Variants in KIRREL3 observed in about 807,000 individuals in gnomAD.
The protein encoded by KIRREL3 is kirre like nephrin family adhesion molecule 3.
KIRREL3 carries 36 observed loss-of-function variants against 89.7 expected under a neutral mutation model. The observed-to-expected ratio is 0.40, with a 90% CI of 0.31 to 0.53. The LOEUF (loss-of-function observed/expected upper bound fraction) is 0.53, where lower values mean the gene tolerates loss of function less well. Among genes scored for constraint, KIRREL3 ranks in the 20% least tolerant of loss-of-function variants. The pLI is 0.49. For missense variants in KIRREL3, 864 were observed against 1,056.6 expected, an observed-to-expected ratio of 0.82 and a Z score of 2.53; for synonymous variants, 445 against 441.4, an observed-to-expected ratio of 1.01 and a Z score of -0.10.
rs990632987 is a variant in KIRREL3, at chr11:126,689,737, G to T, written c.56-126825C>A. 3.3e-5 allele frequency among the ~76,000 whole-genome samples: 5 copies of T among 152,196 alleles called. No individual in the cohort carries two copies. The highest frequency in any genetic ancestry group is 1.2e-4 in the African/African-American group (5 of 41,448). The stretch of plus-strand genomic sequence containing the variant: ...CCTGTCTTCCTGTCACTTTTCTTTG[G>T]CCACCTGGGTCTCAGCAGAGGCCCT... On this transcript the variant is annotated intron_variant, in intron 1 of 16. Coordinates refer to ENST00000525144, the MANE Select transcript of KIRREL3 (RefSeq NM_032531.4). This position sits in a 1 kb window ranked among gnomAD's most constrained non-coding sequence, Gnocchi z 5.2.
chr11:126,690,902 A>C (rs148416029), intron 1 of KIRREL3, among the ~76,000 whole-genome samples: 128 of 152,312 alleles, frequency 8.4e-4, no homozygotes, highest in Admixed American at 1.8e-3. Context: ...TATGCTCTTC[A>C]CACTGTGCGA....
chr11:126,463,353 TG>T lies in KIRREL3; in HGVS notation c.592-47del. 1 of 1,583,706 alleles carries T rather than the reference TG, an allele frequency of 6.3e-7. No individual in the cohort carries two copies. Among genetic ancestry groups the T allele is most frequent in the Non-Finnish European group, 8.6e-7 (1 of 1,160,852 alleles). On this transcript the variant is annotated intron_variant, in intron 5 of 16. Coordinates refer to ENST00000525144, the MANE Select transcript of KIRREL3 (RefSeq NM_032531.4). The surrounding 1 kb of genome is among the most constrained non-coding windows in gnomAD (Gnocchi z 5.9). ...GAGAGAAAGCTCCATGTCGCTTGGC[TG>T]GGGTGGCCAGCCTGGGTTGGGGGTA...
In KIRREL3 at chr11:126,785,799, A is replaced by G. The variant is rs1756491645; in HGVS notation, c.55+214656T>C. ...TGAGGCAGGGGAATCGCTTGAACCC[A>G]GGAGGTGGAGATTGCAATGAGCCGA... On this transcript the variant is annotated intron_variant, in intron 1 of 16. Transcript: ENST00000525144. 3.6e-5 allele frequency among the ~76,000 whole-genome samples: 5 copies of G among 140,252 alleles called. No homozygotes were observed. The Admixed American group carries it at 3.8e-4, about 11-fold the overall frequency. 92.0% of individuals were successfully genotyped at this position (140,252 alleles called of 152,430 possible). A position where few individuals can be genotyped will look rare whatever the true frequency, so the allele number is the denominator to read the frequency against.
chr11:126,974,730 A>G (rs1949521677), intron 1 of KIRREL3, among the ~76,000 whole-genome samples: 1 of 152,060 alleles, frequency 6.6e-6, no homozygotes, highest in African/African-American at 2.4e-5. Context: ...CCAGTCTACA[A>G]GGTTTGGCTC....
intron 1 of KIRREL3, among the ~76,000 whole-genome samples, chr11:126,865,323 T>G (rs897986652): frequency 1.2e-4 from 19 of 152,266 alleles, no homozygotes; most frequent in Non-Finnish European, 2.4e-4. Flanking sequence ...AGTCTATTTG[T>G]AGCTCAGTCT....
At chr11:126,717,395 C>T (rs1297281217) in intron 1 of KIRREL3, among the ~76,000 whole-genome samples, 1 of 152,232 alleles carries the variant, frequency 6.6e-6, no homozygotes, top group Non-Finnish European at 1.5e-5. Flanking sequence ...CACTGTTGTA[C>T]AAGTGGCTAT....
At position 126,424,812 on chromosome 11, in the gene KIRREL3, G is replaced by A. The variant is rs754543011; in HGVS notation, c.2105C>T (p.Ser702Leu). ...CTCCCGCTCACAAAGCTCGATGGAC[G>A]AGCTGCCCATGCCCAGCACAAACCG... is the stretch of plus-strand genomic sequence containing the variant. Reference protein sequence around the residue: ...GQRFVLGMGSSSIELCEREFQ... With the variant: ...GQRFVLGMGSLSIELCEREFQ... The change falls in exon 17 of 17, where the codon TCG becomes TTG. Residue 702 changes from serine to leucine, a missense_variant. Transcript: ENST00000525144. 3.1e-6 allele frequency: 5 copies of A among 1,614,048 alleles called. No homozygotes were observed. The highest frequency in any genetic ancestry group is 2.2e-5 in the East Asian group (1 of 44,882).
chr11:126,844,072 G>A lies in KIRREL3; in HGVS notation c.55+156383C>T, dbSNP rs1436765672. Among the ~76,000 whole-genome samples, 1 of 152,090 alleles carries A rather than the reference G, an allele frequency of 6.6e-6. No individual in the cohort carries two copies. The highest frequency in any genetic ancestry group is 1.5e-5 in the Non-Finnish European group (1 of 68,028). ...CTGGACTCGCCCTGAATTCTTTCTT[G>A]TACGAGATCCAAGAACCCTCTTTTG... On this transcript the variant is annotated intron_variant, in intron 1 of 16. Transcript: ENST00000525144. This position sits in a 1 kb window ranked among gnomAD's most constrained non-coding sequence, Gnocchi z 4.8.
chr11:126,433,924 G>T (rs777562183), intron 13 of KIRREL3, among the ~76,000 whole-genome samples: 11 of 152,238 alleles, frequency 7.2e-5, no homozygotes, highest in East Asian at 5.8e-4. Flanking sequence ...AGCATTGAAG[G>T]TGCCTTCCGA....
chr11:126,490,814 C>T lies in KIRREL3; in HGVS notation c.434-17348G>A, dbSNP rs1018320756. On this transcript the variant is annotated intron_variant, in intron 4 of 16. Coordinates refer to ENST00000525144, the MANE Select transcript of KIRREL3 (RefSeq NM_032531.4). The surrounding 1 kb of genome is among the most constrained non-coding windows in gnomAD (Gnocchi z 4.2). ...CTTGCGAGTCTGGGACTCCAAGGGC[C>T]GAGCAGAGCCGGCAGTAGCATTTGG... 1.3e-5 allele frequency among the ~76,000 whole-genome samples: 2 copies of T among 152,076 alleles called. No individual in the cohort carries two copies. Among genetic ancestry groups the T allele is most frequent in the African/African-American group, 2.4e-5 (1 of 41,408 alleles).
rs2135051726 is a variant in KIRREL3 at position 126,669,506 on chromosome 11, TA to T, written c.56-106595del. On this transcript the variant is annotated intron_variant, in intron 1 of 16. Coordinates refer to ENST00000525144, the MANE Select transcript of KIRREL3 (RefSeq NM_032531.4). The surrounding 1 kb of genome is among the most constrained non-coding windows in gnomAD (Gnocchi z 5.0). ...ATTTAAGGGCTTAATCATGGGCGGT[TA>T]GATTTTTAACTTCTGGTTCGGACTA... Among the ~76,000 whole-genome samples, 1 of 152,368 alleles carries T rather than the reference TA, an allele frequency of 6.6e-6. No homozygotes were observed. The highest frequency in any genetic ancestry group is 2.1e-4 in the South Asian group (1 of 4,824).
At chr11:126,473,816 G>A (rs559753947) in intron 4 of KIRREL3, among the ~76,000 whole-genome samples, 4 of 152,084 alleles carry the variant, frequency 2.6e-5, no homozygotes, top group African/African-American at 7.2e-5. Flanking sequence ...TCCTTTTTTC[G>A]AGATGAAGTC....
rs551486154 is a variant in KIRREL3 at position 126,843,293 on chromosome 11, T to G, written c.55+157162A>C. ...AGTATGAAAGGCAAGTTTGCAGGGC[T>G]GGAGACAGGCTTTGATCTTGCCTCG... On this transcript the variant is annotated intron_variant, in intron 1 of 16. Transcript: ENST00000525144. This position sits in a 1 kb window ranked among gnomAD's most constrained non-coding sequence, Gnocchi z 4.6. 6.6e-6 allele frequency among the ~76,000 whole-genome samples: 1 copy of G among 152,344 alleles called. No individual in the cohort carries two copies. The highest frequency in any genetic ancestry group is 2.1e-4 in the South Asian group (1 of 4,824).
rs1941277853 is a variant in KIRREL3, at chr11:126,576,819, C to T, written c.56-13907G>A. ...AGGGATTCCTGAGCCACAAATGAGG[C>T]TCTCCCTACTGGAATGCAGAAGGAA... is the stretch of plus-strand genomic sequence containing the variant. On this transcript the variant is annotated intron_variant, in intron 1 of 16. Coordinates refer to ENST00000525144, the MANE Select transcript of KIRREL3 (RefSeq NM_032531.4). The surrounding 1 kb of genome is among the most constrained non-coding windows in gnomAD (Gnocchi z 5.4). Among the ~76,000 whole-genome samples, 2 of 152,234 alleles carry T rather than the reference C, an allele frequency of 1.3e-5. No homozygotes were observed. The highest frequency in any genetic ancestry group is 1.3e-4 in the Admixed American group (2 of 15,288).
At chr11:126,470,588 A>C (rs534415014) in intron 5 of KIRREL3, among the ~76,000 whole-genome samples, 13 of 152,318 alleles carry the variant, frequency 8.5e-5, no homozygotes, top group Non-Finnish European at 1.9e-4. Flanking sequence ...GGCCCTGCTT[A>C]TCTTTCCAGG....
chr11:126,875,947 T>C (rs58785374), intron 1 of KIRREL3, among the ~76,000 whole-genome samples: 4,546 of 152,234 alleles, frequency 0.03, 225 homozygotes, highest in African/African-American at 0.11. Flanking sequence ...TATCATGAGA[T>C]GCTAGAAACA....
intron 1 of KIRREL3, among the ~76,000 whole-genome samples, chr11:126,646,109 C>A (rs1358411948): frequency 1.3e-5 from 2 of 151,968 alleles, no homozygotes; most frequent in Non-Finnish European, 1.5e-5. Flanking sequence ...AGCTAATTAA[C>A]CCACCCCACC....
chr11:126,580,975 T>C (rs963662847), intron 1 of KIRREL3, among the ~76,000 whole-genome samples: 2 of 151,892 alleles, frequency 1.3e-5, no homozygotes, highest in African/African-American at 4.8e-5. Flanking sequence ...TATGGTGAAG[T>C]AGGTGCTCAT....
At chr11:126,688,180 C>T (rs745640700) in intron 1 of KIRREL3, among the ~76,000 whole-genome samples, 24 of 152,236 alleles carry the variant, frequency 1.6e-4, no homozygotes, top group Non-Finnish European at 2.8e-4. Context: ...GCCTGTCCCA[C>T]TTCTGGTCTC....
Sources: allele counts gnomAD v4.1 joint callset (sites outside exome capture counted in the v4.1 genomes callset), GRCh38; gene constraint gnomAD v4.1.1; non-coding constraint Gnocchi (gnomAD v3.1); transcripts MANE v1.5; gene names NCBI Gene and HGNC (gene_info 2026-07-23, HGNC 2026-07-21).